Variants in TEC observed in about 807,000 individuals in gnomAD.
TEC encodes tyrosine-protein kinase Tec.
In TEC, 72 loss-of-function variants were observed where a neutral mutation model predicts 93.0. The observed-to-expected ratio is 0.77, with a 90% CI of 0.64 to 0.94. The LOEUF (loss-of-function observed/expected upper bound fraction) is 0.94, where lower values mean the gene tolerates loss of function less well. Ranked by LOEUF, TEC falls within the 40% of genes least tolerant of loss-of-function variation. The pLI is 0.00. For missense variants in TEC, 630 were observed against 757.9 expected (o/e 0.83, Z 1.98); for synonymous variants, 249 against 247.7 (o/e 1.01, Z -0.05).
chr4:48,247,924 G>A (rs900273632), intron 1 of TEC, among the ~76,000 whole-genome samples: 1 of 152,162 alleles, frequency 6.6e-6, no homozygotes, highest in Non-Finnish European at 1.5e-5. Flanking sequence ...TAAATATACA[G>A]ACAAGAATTA....
At chr4:48,170,195 A>G in intron 5 of TEC, 53 bp downstream of exon 5, 1 of 1,421,158 alleles carries the variant, frequency 7.0e-7, no homozygotes, top group East Asian at 2.3e-5. Context: ...TACCATACCA[A>G]TAATACGTTC....
At chr4:48,152,776 A>G (rs1431063785) in intron 9 of TEC, among the ~76,000 whole-genome samples, 1 of 152,174 alleles carries the variant, frequency 6.6e-6, no homozygotes, top group East Asian at 1.9e-4. Context: ...TCCTGTGGGC[A>G]TGGTTATGTG....
chr4:48,192,235 G>T (rs1192154795), intron 2 of TEC, among the ~76,000 whole-genome samples: 2 of 152,190 alleles, frequency 1.3e-5, no homozygotes, highest in African/African-American at 4.8e-5. Flanking sequence ...GGTGATAGAA[G>T]CTAGTCTAAA....
At chr4:48,187,126 C>T (rs1721907165) in intron 2 of TEC, among the ~76,000 whole-genome samples, 1 of 152,178 alleles carries the variant, frequency 6.6e-6, no homozygotes, top group Non-Finnish European at 1.5e-5. Context: ...AATCTATAAC[C>T]TTACCCCCAA....
At chr4:48,218,114 C>G (rs1368528102) in intron 2 of TEC, among the ~76,000 whole-genome samples, 1 of 151,948 alleles carries the variant, frequency 6.6e-6, no homozygotes, top group Non-Finnish European at 1.5e-5. Context: ...AATAAAAACA[C>G]AGATATGAAT....
rs1336592144 is a variant in TEC at position 48,259,728 on chromosome 4, AAAAG to A, written c.-46+10020_-46+10023del. The stretch of plus-strand genomic sequence containing the variant: ...GAGACTTTGTCTCAAAAAAAAAAAA[AAAAG>A]AAAGATGTCAAAAGAAAAATCTGAA... On this transcript the variant is annotated intron_variant, in intron 1 of 17. Coordinates refer to ENST00000381501, the MANE Select transcript of TEC (RefSeq NM_003215.3). 1.1e-4 allele frequency among the ~76,000 whole-genome samples: 16 copies of A among 152,140 alleles called. No individual in the cohort carries two copies. The South Asian group carries it at 2.1e-3, about 20-fold the overall frequency.
At chr4:48,234,604 CA>C in intron 1 of TEC, among the ~76,000 whole-genome samples, 1 of 152,088 alleles carries the variant, frequency 6.6e-6, no homozygotes, top group Admixed American at 6.5e-5. Context: ...CAAAGGAAAA[CA>C]AAAAATTGTT....
chr4:48,208,654 C>A (rs1722794254), intron 2 of TEC, among the ~76,000 whole-genome samples: 1 of 152,144 alleles, frequency 6.6e-6, no homozygotes, highest in Non-Finnish European at 1.5e-5. Flanking sequence ...TCCCTACCTA[C>A]AGAAACAGCA....
intron 2 of TEC, among the ~76,000 whole-genome samples, chr4:48,184,768 AAT>A (rs1429866847): frequency 1.1e-4 from 11 of 96,906 alleles, no homozygotes; most frequent in African/African-American, 3.9e-4. Context: ...AGACAAAAAA[AAT>A]ACACACACAC....
intron 14 of TEC, among the ~76,000 whole-genome samples, chr4:48,143,214 C>A (rs541014473): frequency 1.6e-4 from 24 of 152,356 alleles, no homozygotes; most frequent in African/African-American, 5.3e-4. Context: ...CAACAGGATT[C>A]TTTACCAAGG....
chr4:48,243,462 CA>C (rs1723972555), intron 1 of TEC, among the ~76,000 whole-genome samples: 1 of 152,228 alleles, frequency 6.6e-6, no homozygotes, highest in African/African-American at 2.4e-5. Flanking sequence ...AAATTCCTTA[CA>C]CGCAGCAAAC....
intron 1 of TEC, among the ~76,000 whole-genome samples, chr4:48,245,563 A>C (rs1284235696): frequency 6.6e-6 from 1 of 152,272 alleles, no homozygotes; most frequent in Non-Finnish European, 1.5e-5. Flanking sequence ...AGTGCTTGCT[A>C]TCAGTATTAC....
At chr4:48,202,553 G>GA (rs909647241) in intron 2 of TEC, among the ~76,000 whole-genome samples, 50 of 147,490 alleles carry the variant, frequency 3.4e-4, no homozygotes, top group East Asian at 9.9e-4. Flanking sequence ...GTGGCAGAAG[G>GA]AAAAAAAAAA....
At chr4:48,251,949 A>C (rs1463210071) in intron 1 of TEC, among the ~76,000 whole-genome samples, 1 of 152,232 alleles carries the variant, frequency 6.6e-6, no homozygotes, top group African/African-American at 2.4e-5. Context: ...TCTGGTTTTT[A>C]CAAAGACGAA....
intron 2 of TEC, among the ~76,000 whole-genome samples, chr4:48,186,377 C>T (rs1180077150): frequency 2.0e-5 from 3 of 151,414 alleles, no homozygotes; most frequent in Non-Finnish European, 2.9e-5. Context: ...GTGAGGAGCG[C>T]CTCTTCCCGG....
At chr4:48,221,368 G>A (rs1723255628) in intron 2 of TEC, among the ~76,000 whole-genome samples, 1 of 152,164 alleles carries the variant, frequency 6.6e-6, no homozygotes, top group Admixed American at 6.5e-5. Context: ...AGATCTGATG[G>A]TTTTATAAGG....
intron 2 of TEC, among the ~76,000 whole-genome samples, chr4:48,222,367 A>G (rs1362912755): frequency 6.6e-6 from 1 of 152,222 alleles, no homozygotes; most frequent in African/African-American, 2.4e-5. Context: ...TTTGCAGATG[A>G]AAGATGAAGA....
intron 1 of TEC, among the ~76,000 whole-genome samples, chr4:48,257,797 G>GTCT (rs2109676520): frequency 5.7e-5 from 1 of 17,410 alleles, no homozygotes; most frequent in East Asian, 0.056. Context: ...CTGTCCACAT[G>GTCT]CCCATTTACC....
intron 1 of TEC, among the ~76,000 whole-genome samples, chr4:48,233,293 C>T (rs909995592): frequency 6.6e-6 from 1 of 151,856 alleles, no homozygotes; most frequent in African/African-American, 2.4e-5. Context: ...ATAGTTAAGC[C>T]CACAGTCAGC....
Sources: allele counts gnomAD v4.1 joint callset (sites outside exome capture counted in the v4.1 genomes callset), GRCh38; gene constraint gnomAD v4.1.1; transcripts MANE v1.5; gene names NCBI Gene and HGNC (gene_info 2026-07-23, HGNC 2026-07-21).